NPAS3: variants seen among roughly 807,000 people sequenced by gnomAD.
NPAS3 encodes neuronal PAS domain protein 3.
NPAS3 carries 14 observed loss-of-function variants against 73.1 expected under a neutral mutation model. The ratio of observed to expected loss-of-function variants is 0.19; its 90% CI spans 0.13 to 0.30. The LOEUF (loss-of-function observed/expected upper bound fraction) is 0.30. Ranked by LOEUF, NPAS3 falls within the 10% of genes least tolerant of loss-of-function variation. The probability of loss-of-function intolerance (pLI) is 1.00; values close to 1 mark genes in which losing one functional copy is unlikely to be tolerated. For missense variants in NPAS3, 1,096 were observed against 1,250.0 expected (o/e 0.88, Z 1.86); for synonymous variants, 620 against 541.5 (o/e 1.14, Z -2.01).
chr14:33,192,878 A>G (rs1421389777), intron 2 of NPAS3, among the ~76,000 whole-genome samples: 2 of 152,206 alleles, frequency 1.3e-5, no homozygotes, highest in African/African-American at 4.8e-5. Flanking sequence ...CAGTGGTAGG[A>G]ACTCCCTTTT....
chr14:33,586,416 A>G (rs1567031510), intron 5 of NPAS3, among the ~76,000 whole-genome samples: 1 of 152,104 alleles, frequency 6.6e-6, no homozygotes, highest in African/African-American at 2.4e-5. Context: ...TGTATATAAA[A>G]GATAAAAGAA....
chr14:33,125,302 G>A (rs374370729), intron 2 of NPAS3, among the ~76,000 whole-genome samples: 4 of 152,002 alleles, frequency 2.6e-5, no homozygotes, highest in Non-Finnish European at 5.9e-5. Context: ...GAAGTGTAAC[G>A]GAATTTATTT....
intron 3 of NPAS3, among the ~76,000 whole-genome samples, chr14:33,225,661 A>G (rs1418593147): frequency 6.6e-6 from 1 of 152,188 alleles, no homozygotes; most frequent in Non-Finnish European, 1.5e-5. Flanking sequence ...ATGAAATATT[A>G]TTCTTAAGAG....
Position 33,665,299 on chromosome 14 carries a change from G to A in NPAS3, c.559-10912G>A, listed in dbSNP as rs374596954. 2.6e-5 allele frequency among the ~76,000 whole-genome samples: 4 copies of A among 151,868 alleles called. No homozygotes were observed. The East Asian group carries it at 7.7e-4, about 29-fold the overall frequency. On this transcript the variant is annotated intron_variant, in intron 5 of 11. Coordinates refer to ENST00000356141, the Ensembl canonical transcript of NPAS3. ...ATCACACACCCGGGACTGCCAGGGG[G>A]TCGGGGGCTAGGGGAGGGATAGCAT... is the stretch of plus-strand genomic sequence containing the variant.
chr14:33,364,924 A>G (rs1168827340), intron 3 of NPAS3, among the ~76,000 whole-genome samples: 4 of 151,380 alleles, frequency 2.6e-5, no homozygotes, highest in African/African-American at 7.3e-5. Flanking sequence ...CCTGGTGGCT[A>G]TTACTCCCTT....
At chr14:33,151,951 T>C (rs900001717) in intron 2 of NPAS3, among the ~76,000 whole-genome samples, 6 of 152,192 alleles carry the variant, frequency 3.9e-5, no homozygotes, top group African/African-American at 1.4e-4. Flanking sequence ...GATAGATATA[T>C]TACGTATACA....
intron 1 of NPAS3, among the ~76,000 whole-genome samples, chr14:32,966,763 C>T (rs1466916454): frequency 3.4e-5 from 2 of 58,214 alleles, no homozygotes; most frequent in Non-Finnish European, 6.7e-5. Flanking sequence ...GGCGACAGAG[C>T]GAGACTCCGT....
intron 5 of NPAS3, among the ~76,000 whole-genome samples, chr14:33,653,476 T>C (rs975083560): frequency 1.3e-5 from 2 of 152,270 alleles, no homozygotes; most frequent in African/African-American, 4.8e-5. Flanking sequence ...GAACAGCTTT[T>C]GTGATCTCAT....
intron 10 of NPAS3, among the ~76,000 whole-genome samples, chr14:33,795,131 G>A (rs2063474845): frequency 6.6e-6 from 1 of 152,178 alleles, no homozygotes; most frequent in Non-Finnish European, 1.5e-5. Flanking sequence ...ACATACTTTG[G>A]TGATGACTTG....
At chr14:33,434,219 A>C (rs558004372) in intron 4 of NPAS3, among the ~76,000 whole-genome samples, 4 of 151,050 alleles carry the variant, frequency 2.6e-5, no homozygotes, top group African/African-American at 7.3e-5. Flanking sequence ...TAAACAAACA[A>C]ACACAGTAAT....
intron 2 of NPAS3, among the ~76,000 whole-genome samples, chr14:33,059,371 TC>T (rs1222983058): frequency 1.3e-5 from 2 of 152,232 alleles, no homozygotes; most frequent in Admixed American, 1.3e-4. Flanking sequence ...TATAATTAGT[TC>T]CAAATAATAG....
In NPAS3 at chr14:33,800,526, C is replaced by A. The variant is rs973001356; in HGVS notation, c.2219C>A (p.Ala740Asp). 4 of 1,383,442 alleles carry A rather than the reference C, an allele frequency of 2.9e-6. No individual in the cohort carries two copies. The African/African-American group carries it at 4.6e-5, about 16-fold the overall frequency. 85.7% of individuals were successfully genotyped at this position (1,383,442 alleles called of 1,614,324 possible). ...GGCGCCTCGGCCACCGCGGCCCTGG[C>A]CCCCGTCGCCTCCGACCCGCTGTCA... The change falls in exon 12 of 12, where the codon GCC becomes GAC. Residue 740 changes from alanine to aspartate, a missense_variant. Transcript: ENST00000356141. The surrounding 1 kb of genome is among the most constrained non-coding windows in gnomAD (Gnocchi z 6.5).
At chr14:33,660,338 C>A (rs1234598953) in intron 5 of NPAS3, among the ~76,000 whole-genome samples, 4 of 152,140 alleles carry the variant, frequency 2.6e-5, no homozygotes, top group Non-Finnish European at 4.4e-5. Context: ...TTTCTCATAA[C>A]TCATTTCTAA....
At chr14:33,677,618 GAA>G (rs10584098) in intron 6 of NPAS3, among the ~76,000 whole-genome samples, 72,834 of 149,878 alleles carry the variant, frequency 0.49, 17,701 homozygotes, top group African/African-American at 0.54. Flanking sequence ...CACACAGAAG[GAA>G]AAAAAAAAAA....
chr14:32,974,814 G>A (rs1293818056), intron 1 of NPAS3, among the ~76,000 whole-genome samples: 3 of 152,116 alleles, frequency 2.0e-5, no homozygotes, highest in Non-Finnish European at 4.4e-5. Context: ...TCAGAACAGA[G>A]CCACATGCCT....
In NPAS3 at chr14:33,405,859, A is replaced by T. The variant is rs79481854; in HGVS notation, c.468+38591A>T. Among the ~76,000 whole-genome samples, 662 of 152,244 alleles carry T rather than the reference A, an allele frequency of 4.3e-3. 3 individuals carry two copies. Among genetic ancestry groups the T allele is most frequent in the African/African-American group, 0.015 (641 of 41,558 alleles). ...TTAGTGAGGGTGTCTTGCAACTAGC[A>T]TTATTTTTTCAGAGCTGTGTGTGTT... On this transcript the variant is annotated intron_variant, in intron 4 of 11. Transcript: ENST00000356141.
intron 6 of NPAS3, among the ~76,000 whole-genome samples, chr14:33,722,271 GT>G (rs1184030435): frequency 6.6e-6 from 1 of 152,088 alleles, no homozygotes; most frequent in African/African-American, 2.4e-5. Context: ...CAACAAATTT[GT>G]TTTGCCCATG....
chr14:33,197,005 A>T (rs1012088378), intron 2 of NPAS3, among the ~76,000 whole-genome samples: 11 of 152,108 alleles, frequency 7.2e-5, no homozygotes, highest in African/African-American at 9.6e-5. Flanking sequence ...TGACTGATTT[A>T]AAAAAAAGTT....
intron 4 of NPAS3, among the ~76,000 whole-genome samples, chr14:33,381,936 A>G (rs984994916): frequency 1.3e-5 from 2 of 152,116 alleles, no homozygotes; most frequent in African/African-American, 4.8e-5. Flanking sequence ...ATTGAATCAG[A>G]CAGAAGCAAT....
Sources: gnomAD v4.1 joint callset for allele counts (sites outside exome capture counted in the v4.1 genomes callset) on GRCh38, gnomAD v4.1.1 for gene constraint, Gnocchi (gnomAD v3.1) non-coding constraint, MANE v1.5 for transcripts, NCBI Gene and HGNC (gene_info 2026-07-23, HGNC 2026-07-21) for gene names.